The following TAF8 variants were observed in gnomAD, a reference collection of about 807,000 sequenced individuals.
TAF8 encodes transcription initiation factor TFIID subunit 8.
A neutral mutation model predicts 36.5 loss-of-function variants in TAF8; 47 were observed. That is an observed-to-expected ratio of 1.29 (90% CI 1.02 to 1.64). TAF8 has a LOEUF of 1.64. TAF8 is among the 40% of genes most tolerant of loss of function. The pLI, the probability that TAF8 is intolerant of heterozygous loss-of-function variation, is 0.00. For synonymous variants in TAF8, 175 were observed against 159.5 expected, an observed-to-expected ratio of 1.10 and a Z score of -0.73; for missense variants, 420 against 407.6, an observed-to-expected ratio of 1.03 and a Z score of -0.26.
In TAF8 at chr6:42,051,525, G is replaced by C; in HGVS notation, c.202+12G>C. The C allele has an allele frequency of 8.7e-6, 14 of 1,612,832 alleles. No homozygotes were observed. The highest frequency in any genetic ancestry group is 1.2e-5 in the Non-Finnish European group (14 of 1,179,252). ...GATGCTGCAGAGCTGTGAGTACATG[G>C]AAACACTTGGCCTTGGAGTCAACCC... On this transcript the variant is annotated intron_variant, in intron 2 of 8. Transcript: ENST00000372977.
In TAF8 at chr6:42,080,258, T is replaced by C; in HGVS notation, c.*2713T>C. On this transcript the variant is annotated 3_prime_UTR_variant, in exon 9 of 9. Coordinates refer to ENST00000372977, the MANE Select transcript of TAF8 (RefSeq NM_138572.3). ...TTCTGCAGCTTCCATTTGTTGTTGT[T>C]ATCCAGTGTAAGCACCTGTTGAATG... 1 of 985,564 alleles carries C rather than the reference T, an allele frequency of 1.0e-6. No individual in the cohort carries two copies. Among genetic ancestry groups the C allele is most frequent in the Non-Finnish European group, 1.2e-6 (1 of 830,072 alleles). The allele number at this position is 985,564 out of a possible 1,614,324, so 61.1% of individuals were successfully genotyped here.
Position 42,057,390 on chromosome 6 carries a change from T to C in TAF8, c.366T>C (p.Pro122=). 1 of 1,614,094 alleles carries C rather than the reference T, an allele frequency of 6.2e-7. No individual in the cohort carries two copies. The highest frequency in any genetic ancestry group is 1.1e-5 in the South Asian group (1 of 91,084). ...TAATCAGTTGTGACTCTGTTGCAGCTCCGGTGACCAATCAGCCAGTGACCC... is the reference window on the plus strand; with the variant it reads ...TAATCAGTTGTGACTCTGTTGCAGCCCCGGTGACCAATCAGCCAGTGACCC... The part of the protein sequence containing the change: ...KRSQRMVITA[P]PVTNQPVTPK... Residue 122 remains proline (P), a splice_region_variant and synonymous_variant, in exon 5 of 9, where the codon CCT becomes CCC. Coordinates refer to ENST00000372977, the MANE Select transcript of TAF8 (RefSeq NM_138572.3).
At chr6:42,068,678 T>G in intron 7 of TAF8, 71 bp downstream of exon 7, 1 of 1,579,304 alleles carries the variant, frequency 6.3e-7, no homozygotes, top group Non-Finnish European at 8.6e-7. Context: ...TCTGTCACCC[T>G]GGGACCTGGA....
At chr6:42,086,965 C>G (rs1047317365), downstream of TAF8, 7 of 608,158 alleles carry the variant, frequency 1.2e-5, no homozygotes, top group African/African-American at 1.3e-4. Context: ...GATGTAGACC[C>G]TGTCCTCAAG....
At chr6:42,057,655 C>T (rs1401542654) in intron 5 of TAF8, 142 bp downstream of exon 5, 2 of 1,173,386 alleles carry the variant, frequency 1.7e-6, no homozygotes, top group Non-Finnish European at 2.4e-6. Flanking sequence ...CACATTGGCT[C>T]ACACCTGTAA....
At position 42,081,970 on chromosome 6, in the gene TAF8, C is replaced by T. The variant is rs1765938614; in HGVS notation, c.*4425C>T. ...AGAGAGATCCTATGTACCCATCACC[C>T]ACTTTCTCCCAGTGGTAGCATCTTG... On this transcript the variant is annotated 3_prime_UTR_variant, in exon 9 of 9. Coordinates refer to ENST00000372977, the MANE Select transcript of TAF8 (RefSeq NM_138572.3). 1 of 152,234 alleles carries T rather than the reference C, an allele frequency of 6.6e-6. No homozygotes were observed. Among genetic ancestry groups the T allele is most frequent in the African/African-American group, 2.4e-5 (1 of 41,454 alleles). 9.4% of individuals were successfully genotyped at this position (152,234 alleles called of 1,614,324 possible). A position where few individuals can be genotyped will look rare whatever the true frequency, so the allele number is the denominator to read the frequency against.
At chr6:42,074,211 A>G (rs968980217) in intron 7 of TAF8, among the ~76,000 whole-genome samples, 11 of 152,148 alleles carry the variant, frequency 7.2e-5, no homozygotes, top group African/African-American at 1.4e-4. Flanking sequence ...TTGTGATGGG[A>G]GGGACTGAGA....
chr6:42,084,452 T>C (rs1403145309), downstream of TAF8, among the ~76,000 whole-genome samples: 1 of 152,094 alleles, frequency 6.6e-6, no homozygotes, highest in Non-Finnish European at 1.5e-5. Context: ...TTATTTTTAT[T>C]TTTTTGAGAC....
At chr6:42,052,895 C>G (rs954339254) in intron 2 of TAF8, among the ~76,000 whole-genome samples, 2 of 152,124 alleles carry the variant, frequency 1.3e-5, no homozygotes, top group African/African-American at 4.8e-5. Flanking sequence ...TATTGCCCAT[C>G]AAGCTGAAAA....
intron 5 of TAF8, among the ~76,000 whole-genome samples, chr6:42,061,708 AG>A (rs1241429770): frequency 6.6e-6 from 1 of 152,220 alleles, no homozygotes; most frequent in Admixed American, 6.5e-5. Flanking sequence ...GACCAAAGAA[AG>A]CCAAACACCA....
rs975050049 is a variant in TAF8, at chr6:42,081,722, G to A, written c.*4177G>A. ...GGGTTTCACCATGTTGGCCAGACTG[G>A]TCTCCAACTCCTGACCTCAGGTGAT... On this transcript the variant is annotated 3_prime_UTR_variant, in exon 9 of 9. Transcript: ENST00000372977. 1.3e-5 allele frequency: 2 copies of A among 152,052 alleles called. No homozygotes were observed. Among genetic ancestry groups the A allele is most frequent in the African/African-American group, 4.8e-5 (2 of 41,366 alleles). 9.4% of individuals were successfully genotyped at this position (152,052 alleles called of 1,614,324 possible).
intron 1 of TAF8, 183 bp downstream of exon 1, chr6:42,050,769 G>A: frequency 4.2e-6 from 4 of 954,088 alleles, no homozygotes; most frequent in South Asian, 1.9e-5. Flanking sequence ...CGGAGTTGGC[G>A]GACCTGTGTC....
At chr6:42,061,164 CA>C (rs1462818213) in intron 5 of TAF8, among the ~76,000 whole-genome samples, 1 of 152,078 alleles carries the variant, frequency 6.6e-6, no homozygotes, top group Non-Finnish European at 1.5e-5. Flanking sequence ...CTGTGGATGA[CA>C]AAAGTCTATA....
chr6:42,069,576 C>A (rs942896294), intron 7 of TAF8, among the ~76,000 whole-genome samples: 2 of 152,160 alleles, frequency 1.3e-5, no homozygotes, highest in Non-Finnish European at 2.9e-5. Context: ...CCGGGTAGAA[C>A]AGGTGTGTGG....
At chr6:42,076,088 C>G (rs1433667531) in intron 7 of TAF8, among the ~76,000 whole-genome samples, 1 of 151,842 alleles carries the variant, frequency 6.6e-6, no homozygotes, top group Admixed American at 6.6e-5. Flanking sequence ...GGCACCTGTA[C>G]TCCCAGCTAC....
chr6:42,057,050 T>C (rs939042179), intron 4 of TAF8, among the ~76,000 whole-genome samples: 2 of 152,240 alleles, frequency 1.3e-5, no homozygotes, highest in Non-Finnish European at 2.9e-5. Flanking sequence ...TGTTCCTTTT[T>C]GTTATCCAAG....
At chr6:42,062,231 G>A (rs1765214049) in intron 5 of TAF8, among the ~76,000 whole-genome samples, 1 of 152,064 alleles carries the variant, frequency 6.6e-6, no homozygotes, top group Non-Finnish European at 1.5e-5. Context: ...GTTTTAATTA[G>A]TTTGACCATA....
At chr6:42,065,331 G>A (rs10428869) in intron 5 of TAF8, among the ~76,000 whole-genome samples, 56,277 of 151,822 alleles carry the variant, frequency 0.37, 10,461 homozygotes, top group Non-Finnish European at 0.39. Flanking sequence ...GGGTGACAGA[G>A]CAAGACTCTG....
chr6:42,074,113 C>A (rs1464635143), intron 7 of TAF8, among the ~76,000 whole-genome samples: 1 of 152,052 alleles, frequency 6.6e-6, no homozygotes, highest in Non-Finnish European at 1.5e-5. Flanking sequence ...CATAGTGAGA[C>A]CCTGTTTAAA....
Sources: allele counts gnomAD v4.1 joint callset (sites outside exome capture counted in the v4.1 genomes callset), GRCh38; gene constraint gnomAD v4.1.1; transcripts MANE v1.5; gene names NCBI Gene and HGNC (gene_info 2026-07-23, HGNC 2026-07-21).